The following TRPV2 variants were observed in gnomAD, a reference collection of about 807,000 sequenced individuals.
The protein encoded by TRPV2 is OTRPC2.
In TRPV2, 58 loss-of-function variants were observed where a neutral mutation model predicts 91.0. That is an observed-to-expected ratio of 0.64 (90% CI 0.52 to 0.79). The LOEUF (loss-of-function observed/expected upper bound fraction) is 0.79, where lower values mean the gene tolerates loss of function less well. TRPV2 is among the 30% of genes least tolerant of loss of function. The pLI is 0.00. For synonymous variants in TRPV2, 417 were observed against 414.8 expected, an observed-to-expected ratio of 1.01 and a Z score of -0.06; for missense variants, 807 against 969.6, an observed-to-expected ratio of 0.83 and a Z score of 2.23.
rs138176798 is a variant in TRPV2, at chr17:16,423,614, C to T, written c.771C>T (p.Asp257=). 12 of 1,613,592 alleles carry T rather than the reference C, an allele frequency of 7.4e-6. No homozygotes were observed. The highest frequency in any genetic ancestry group is 2.2e-5 in the East Asian group (1 of 44,840). The part of the protein sequence containing the change: ...TVLHALVMIS[D]NSAENIALVT... ...TGCATGCCCTAGTGATGATCTCGGA[C>T]AACTCAGCTGAGAACATTGCACTGG... is the stretch of plus-strand genomic sequence containing the variant. The change falls in exon 5 of 15, where the codon GAC becomes GAT. Residue 257 remains aspartate, a synonymous_variant. Transcript: ENST00000338560.
In TRPV2 at chr17:16,426,093, C is replaced by T. The variant is rs768188750; in HGVS notation, c.925-6C>T. The T allele has an allele frequency of 6.2e-7, 1 of 1,614,012 alleles. No homozygotes were observed. The highest frequency in any genetic ancestry group is 8.5e-7 in the Non-Finnish European group (1 of 1,179,976). ...ATGAATGCAAGCTCATATGGCCACC[C>T]TGCAGATTTTCAGGCACATCCTGCA... On this transcript the variant is annotated splice_region_variant and splice_polypyrimidine_tract_variant and intron_variant, in intron 5 of 14. Transcript: ENST00000338560. The surrounding 1 kb of genome is among the most constrained non-coding windows in gnomAD (Gnocchi z 6.0).
chr17:16,431,926 G>C, intron 11 of TRPV2, 40 bp from the exon 12 acceptor site: 1 of 1,611,780 alleles, frequency 6.2e-7, no homozygotes, highest in Non-Finnish European at 8.5e-7. Flanking sequence ...GCTGCCCACC[G>C]GTCTCCTGGG....
chr17:16,436,814 TTCCCC>T lies in TRPV2; in HGVS notation c.2225_2229del (p.Pro742GlnfsTer4). 2 of 1,614,092 alleles carry T rather than the reference TTCCCC, an allele frequency of 1.2e-6. No homozygotes were observed. Among genetic ancestry groups the T allele is most frequent in the Non-Finnish European group, 1.7e-6 (2 of 1,179,970 alleles). ...GAACTCTCGAGAACCCTGTCCTGGC[TTCCCC>T]TCCCAAGGAGGATGAGGATGGTGCC... On this transcript the variant is annotated frameshift_variant, in exon 15 of 15. Coordinates refer to ENST00000338560, the MANE Select transcript of TRPV2 (RefSeq NM_016113.5). LOFTEE classifies it high-confidence loss of function.
intron 1 of TRPV2, among the ~76,000 whole-genome samples, 172 bp from the exon 2 acceptor site, chr17:16,417,390 G>A (rs1433830278): frequency 6.6e-6 from 1 of 151,494 alleles, no homozygotes; most frequent in Admixed American, 6.6e-5. Context: ...ACAGGCACAA[G>A]CCACCATGCC....
chr17:16,423,898 TAGTA>T, intron 5 of TRPV2, 131 bp downstream of exon 5: 6 of 846,160 alleles, frequency 7.1e-6, no homozygotes, highest in Non-Finnish European at 1.0e-5. Flanking sequence ...ACACTCCTGT[TAGTA>T]AGAAAATTTT....
At chr17:16,433,423 T>C (rs562627467) in intron 12 of TRPV2, 151 bp from the exon 13 acceptor site, 320 of 1,113,912 alleles carry the variant, frequency 2.9e-4, no homozygotes, top group Non-Finnish European at 4.0e-4. Context: ...GGTAACCGGA[T>C]GTTGGAGCCA....
At position 16,423,391 on chromosome 17, in the gene TRPV2, C is replaced by T. The variant is rs2093367265; in HGVS notation, c.626-78C>T. 6.0e-6 allele frequency: 9 copies of T among 1,491,828 alleles called. 1 individual carries two copies. In the South Asian group the frequency reaches 1.0e-4, roughly 17 times the overall value. 92.4% of individuals were successfully genotyped at this position (1,491,828 alleles called of 1,614,324 possible). On this transcript the variant is annotated intron_variant, in intron 4 of 14. Transcript: ENST00000338560. ...CTGACCTGTTTCAAGGAGGGCTGGC[C>T]TTTTGTCCAAGGAGCATGAGGAGTA... is the stretch of plus-strand genomic sequence containing the variant.
intron 3 of TRPV2, among the ~76,000 whole-genome samples, chr17:16,420,703 G>A (rs1224152016): frequency 6.6e-6 from 1 of 152,148 alleles, no homozygotes; most frequent in Non-Finnish European, 1.5e-5. Flanking sequence ...AACATATAGA[G>A]CCAAGGGTAA....
intron 14 of TRPV2, among the ~76,000 whole-genome samples, chr17:16,436,584 G>A (rs1404359234): frequency 1.3e-5 from 2 of 152,172 alleles, no homozygotes; most frequent in African/African-American, 2.4e-5. Context: ...GGTGGCAGGG[G>A]CAGGGGGAAG....
At chr17:16,422,535 C>G in intron 3 of TRPV2, 64 bp from the exon 4 acceptor site, 1 of 1,534,450 alleles carries the variant, frequency 6.5e-7, no homozygotes, top group Non-Finnish European at 8.9e-7. Flanking sequence ...TAAGAGCTAT[C>G]GGGCAGCCCA....
chr17:16,426,632 T>G lies in TRPV2; in HGVS notation c.1096-90T>G. The G allele has an allele frequency of 6.8e-7, 1 of 1,476,770 alleles. No homozygotes were observed. Among genetic ancestry groups the G allele is most frequent in the Non-Finnish European group, 9.1e-7 (1 of 1,094,120 alleles). The allele number at this position is 1,476,770 out of a possible 1,614,324, so 91.5% of individuals were successfully genotyped here. ...CCTGCTCCCTGTCCTCTCTCCTCAT[T>G]TCCTGGGCCCTTGCTTTGATCTTGA... is the stretch of plus-strand genomic sequence containing the variant. On this transcript the variant is annotated intron_variant, in intron 6 of 14. Transcript: ENST00000338560. The surrounding 1 kb of genome is among the most constrained non-coding windows in gnomAD (Gnocchi z 6.0).
chr17:16,423,026 G>A, intron 4 of TRPV2, 137 bp downstream of exon 4: 4 of 1,100,012 alleles, frequency 3.6e-6, no homozygotes, highest in Admixed American at 5.7e-5. Flanking sequence ...TAACCACTAG[G>A]CTGCCTGCAA....
chr17:16,417,090 C>T (rs534726344), intron 1 of TRPV2, among the ~76,000 whole-genome samples: 2 of 152,200 alleles, frequency 1.3e-5, no homozygotes, highest in African/African-American at 4.8e-5. Flanking sequence ...TATTGGTTCC[C>T]TGTTCCTCAC....
In TRPV2 at chr17:16,426,983, G is replaced by T; in HGVS notation, c.1251+106G>T. ...GTGCTGAGGCATGGGCTGCTGGAGT[G>T]ACATTCCCAAGCTTATGGGAGCCAG... On this transcript the variant is annotated intron_variant, in intron 7 of 14. Coordinates refer to ENST00000338560, the MANE Select transcript of TRPV2 (RefSeq NM_016113.5). This position sits in a 1 kb window ranked among gnomAD's most constrained non-coding sequence, Gnocchi z 6.0. 7.5e-7 allele frequency: 1 copy of T among 1,332,900 alleles called. No individual in the cohort carries two copies. The highest frequency in any genetic ancestry group is 1.0e-6 in the Non-Finnish European group (1 of 974,630). The allele number at this position is 1,332,900 out of a possible 1,614,324, so 82.6% of individuals were successfully genotyped here.
At chr17:16,416,730 G>A (rs1439210096) in intron 1 of TRPV2, 1 of 152,272 alleles carries the variant, frequency 6.6e-6, no homozygotes, top group Non-Finnish European at 1.5e-5. Context: ...CATGGTGTCA[G>A]ATCCGGCTCT....
intron 10 of TRPV2, among the ~76,000 whole-genome samples, chr17:16,431,280 TATATATAC>T (rs1336359001): frequency 1.4e-4 from 9 of 63,758 alleles, no homozygotes; most frequent in African/African-American, 5.0e-4. Flanking sequence ...TATATATATA[TATATATAC>T]ATATTTTTTT....
intron 10 of TRPV2, among the ~76,000 whole-genome samples, chr17:16,431,292 T>TATATA (rs1491493192): frequency 3.6e-3 from 58 of 16,274 alleles, no homozygotes; most frequent in South Asian, 8.5e-3. Flanking sequence ...TATATACATA[T>TATATA]TTTTTTTTTT....
intron 14 of TRPV2, among the ~76,000 whole-genome samples, chr17:16,436,345 C>T (rs1275847216): frequency 1.3e-5 from 2 of 152,230 alleles, no homozygotes; most frequent in African/African-American, 2.4e-5. Context: ...CTAACTCACT[C>T]CCCACACCTC....
chr17:16,425,958 C>T lies in TRPV2; in HGVS notation c.925-141C>T, dbSNP rs116129347. 116 of 836,168 alleles carry T rather than the reference C, an allele frequency of 1.4e-4. No individual in the cohort carries two copies. In the South Asian group the frequency reaches 1.7e-3, roughly 12 times the overall value. The allele number at this position is 836,168 out of a possible 1,614,324, so 51.8% of individuals were successfully genotyped here. On this transcript the variant is annotated intron_variant, in intron 5 of 14. Coordinates refer to ENST00000338560, the MANE Select transcript of TRPV2 (RefSeq NM_016113.5). ...AAGAGTTTAGACAAACAAGGACCTGCGTGTATGGGGGTACGTGCACGTGTC... is the reference window on the plus strand; with the variant it reads ...AAGAGTTTAGACAAACAAGGACCTGTGTGTATGGGGGTACGTGCACGTGTC...
Sources: gnomAD v4.1 joint callset for allele counts (sites outside exome capture counted in the v4.1 genomes callset) on GRCh38, gnomAD v4.1.1 for gene constraint, Gnocchi (gnomAD v3.1) non-coding constraint, MANE v1.5 for transcripts, NCBI Gene and HGNC (gene_info 2026-07-23, HGNC 2026-07-21) for gene names.